The following PERM1 variants were observed in gnomAD, a reference collection of about 807,000 sequenced individuals.
PERM1 encodes the protein PPARGC1 and ESRR induced regulator, muscle 1, also known as PGC-1 and ERR-induced regulator in muscle protein 1.
A neutral mutation model predicts 44.1 loss-of-function variants in PERM1; 45 were observed. The ratio of observed to expected loss-of-function variants is 1.02; its 90% CI spans 0.80 to 1.31. The LOEUF is 1.31. PERM1 is among the 50% of genes most tolerant of loss of function. The pLI, the probability that PERM1 is intolerant of heterozygous loss-of-function variation, is 0.00. For missense variants in PERM1, 1,189 were observed against 1,106.9 expected, an observed-to-expected ratio of 1.07 and a Z score of -1.05; for synonymous variants, 565 against 477.1, an observed-to-expected ratio of 1.18 and a Z score of -2.40.
exon 2 of PERM1, chr1:976,518 G>A (rs1334266886): frequency 3.2e-6 from 5 of 1,549,424 alleles, no homozygotes; most frequent in Middle Eastern, 1.7e-4. Context: ...AGGCGTCTGG[G>A]GTATGCGGAT....
chr1:981,935 G>A (rs7547878), upstream of PERM1: 129,287 of 723,526 alleles, frequency 0.18, 12,101 homozygotes, highest in African/African-American at 0.24. Flanking sequence ...GTCCTGAGAC[G>A]GAGGCCAGGG....
At chr1:975,787 A>C in exon 3 of PERM1, 2 of 184,744 alleles carry the variant, frequency 1.1e-5, no homozygotes, top group South Asian at 1.1e-4. Context: ...CTCCCCCTGC[A>C]CCCCAGAAGA....
chr1:979,752 A>AGCCACCTC lies in PERM1; in HGVS notation c.1270_1277dup (p.Ser427ArgfsTer15). ...CAGCCTCCGAGACAGGTGGAGATGA[A>AGCCACCTC]GCCACCTCTAGCTTAGCCACTGGGC... On this transcript the variant is annotated frameshift_variant, in exon 1 of 3. Coordinates refer to ENST00000433179, the Ensembl canonical transcript of PERM1. LOFTEE classifies it high-confidence loss of function. 6.5e-7 allele frequency: 1 copy of AGCCACCTC among 1,550,290 alleles called. No homozygotes were observed. The highest frequency in any genetic ancestry group is 8.7e-7 in the Non-Finnish European group (1 of 1,146,916).
exon 1 of PERM1, chr1:979,970 G>A (rs923068922): frequency 5.2e-6 from 8 of 1,549,008 alleles, no homozygotes; most frequent in Non-Finnish European, 7.0e-6. Context: ...TCCCTGTCAG[G>A]TTGCGGCTCA....
chr1:980,284 G>C, exon 1 of PERM1: 2 of 1,550,370 alleles, frequency 1.3e-6, no homozygotes, highest in Non-Finnish European at 8.7e-7. Context: ...ACCTGGCCCT[G>C]GTCTGTCTTC....
chr1:978,333 C>T (rs927479266), intron 1 of PERM1, among the ~76,000 whole-genome samples: 2 of 150,820 alleles, frequency 1.3e-5, no homozygotes, highest in African/African-American at 2.4e-5. Flanking sequence ...TCCCGAAACC[C>T]CTCTGTCATG....
chr1:979,734 C>G, exon 1 of PERM1: 2 of 1,550,328 alleles, frequency 1.3e-6, no homozygotes, highest in Non-Finnish European at 1.7e-6. Flanking sequence ...GCACAGCCTC[C>G]GAGACAGGTG....
chr1:976,097 G>T, exon 3 of PERM1: 1 of 1,425,224 alleles, frequency 7.0e-7, no homozygotes, highest in South Asian at 1.3e-5. Flanking sequence ...GCCCGGGCGA[G>T]GGCGGCACCT....
upstream of PERM1, chr1:982,019 C>A (rs1414257333): frequency 1.6e-6 from 2 of 1,284,148 alleles, no homozygotes; most frequent in East Asian, 5.6e-5. Flanking sequence ...GGGTTGTTAC[C>A]ATTGGGGCCC....
exon 3 of PERM1, chr1:976,087 G>GC: frequency 7.4e-7 from 1 of 1,344,182 alleles, no homozygotes; most frequent in Middle Eastern, 2.6e-4. Context: ...GGGTCAGAGG[G>GC]CCCGGGCGAG....
chr1:981,257 C>A, upstream of PERM1: 1 of 1,428,378 alleles, frequency 7.0e-7, no homozygotes, highest in Non-Finnish European at 9.5e-7. Flanking sequence ...TAGAAGATCC[C>A]CAGCTCCCAT....
chr1:979,138 C>T (rs771192500), exon 1 of PERM1: 24 of 1,549,970 alleles, frequency 1.5e-5, no homozygotes, highest in Admixed American at 3.9e-5. Flanking sequence ...CGGGGACCCC[C>T]GCCGCCTCGA....
rs1570070769 is a variant in PERM1 at position 978,875 on chromosome 1, A to G, written c.2149+6T>C. 2 of 1,473,188 alleles carry G rather than the reference A, an allele frequency of 1.4e-6. No individual in the cohort carries two copies. Among genetic ancestry groups the G allele is most frequent in the East Asian group, 2.5e-5 (1 of 39,974 alleles). 91.3% of individuals were successfully genotyped at this position (1,473,188 alleles called of 1,614,324 possible). A position where few individuals can be genotyped will look rare whatever the true frequency, so the allele number is the denominator to read the frequency against. ...TGGACGGGCTGTGGGATCCGAGAGC[A>G]CGTACCTGCCCGTCTAAGAGCCAGG... is the stretch of plus-strand genomic sequence containing the variant. On this transcript the variant is annotated splice_donor_region_variant and intron_variant, in intron 1 of 2. Transcript: ENST00000433179.
exon 1 of PERM1, chr1:979,606 A>G: frequency 6.5e-7 from 1 of 1,550,176 alleles, no homozygotes. Flanking sequence ...CTCAGACACA[A>G]CCGCCTCCAT....
In PERM1 at chr1:976,389, G is replaced by C. The variant is rs555851607; in HGVS notation, c.2275+110C>G. The C allele has an allele frequency of 2.2e-5, 33 of 1,514,134 alleles. No homozygotes were observed. The African/African-American group carries it at 3.9e-4, about 18-fold the overall frequency. 93.8% of individuals were successfully genotyped at this position (1,514,134 alleles called of 1,614,324 possible). ...GCGGCCAGGGCCGCAGCTCAGCCTGGGGGGAGCAGGTCAGGGGTGAGCCCC... is the reference window on the plus strand; with the variant it reads ...GCGGCCAGGGCCGCAGCTCAGCCTGCGGGGAGCAGGTCAGGGGTGAGCCCC... On this transcript the variant is annotated intron_variant, in intron 2 of 2. Transcript: ENST00000433179.
Sources: allele counts gnomAD v4.1 joint callset (sites outside exome capture counted in the v4.1 genomes callset), GRCh38; gene constraint gnomAD v4.1.1; transcripts MANE v1.5; gene names NCBI Gene and HGNC (gene_info 2026-07-23, HGNC 2026-07-21).